MILR1: variants seen among roughly 807,000 people sequenced by gnomAD.
MILR1 encodes mast cell immunoglobulin like receptor 1.
In MILR1, 31 loss-of-function variants were observed where a neutral mutation model predicts 18.5. That is an observed-to-expected ratio of 1.68 (90% CI 1.26 to 2.26). MILR1 has a LOEUF of 2.26. MILR1 is among the 30% of genes most tolerant of loss of function. MILR1 has a pLI of 0.00. For missense variants in MILR1, 257 were observed against 157.4 expected, an observed-to-expected ratio of 1.63 and a Z score of -3.38; for synonymous variants, 85 against 56.2, an observed-to-expected ratio of 1.51 and a Z score of -2.30.
At chr17:64,488,628 C>T in the MILR1 span, among the ~76,000 whole-genome samples, 2 of 152,156 alleles carry the variant, frequency 1.3e-5, no homozygotes, top group Admixed American at 6.6e-5. Context: ...TTGAGCTGTT[C>T]GTTAACTATG....
chr17:64,455,191 G>T (rs2037261858), intron 3 of MILR1, among the ~76,000 whole-genome samples: 1 of 152,152 alleles, frequency 6.6e-6, no homozygotes, highest in Non-Finnish European at 1.5e-5. Context: ...AAGCCCATCA[G>T]TTCATATGTT....
At chr17:64,474,240 A>AATT in the MILR1 span, among the ~76,000 whole-genome samples, 1 of 151,992 alleles carries the variant, frequency 6.6e-6, no homozygotes, top group African/African-American at 2.4e-5. Flanking sequence ...ATGCCCAGTT[A>AATT]ATTTTTGTAT....
chr17:64,488,834 G>A, the MILR1 span, among the ~76,000 whole-genome samples: 3 of 152,048 alleles, frequency 2.0e-5, no homozygotes, highest in African/African-American at 7.2e-5. Flanking sequence ...CGGGCGTGGT[G>A]GCGCACACCT....
chr17:64,493,578 G>A, the MILR1 span, among the ~76,000 whole-genome samples: 5 of 151,820 alleles, frequency 3.3e-5, no homozygotes, highest in African/African-American at 7.3e-5. Context: ...TCCGCCTCCC[G>A]GGTTCATGCC....
the MILR1 span, chr17:64,485,907 A>T: frequency 6.2e-7 from 1 of 1,610,320 alleles, no homozygotes. Context: ...CATTTCACAG[A>T]ACTTTTTTTG....
chr17:64,455,747 G>A (rs1270202287), intron 3 of MILR1, among the ~76,000 whole-genome samples: 1 of 150,112 alleles, frequency 6.7e-6, no homozygotes, highest in African/African-American at 2.4e-5. Flanking sequence ...AATGTTTAAA[G>A]AGAACACAGG....
chr17:64,476,184 C>A, the MILR1 span, among the ~76,000 whole-genome samples: 1 of 151,988 alleles, frequency 6.6e-6, no homozygotes, highest in African/African-American at 2.4e-5. Flanking sequence ...GTCTCAATTA[C>A]CATAAATGTA....
the MILR1 span, among the ~76,000 whole-genome samples, chr17:64,487,743 T>C: frequency 2.0e-5 from 3 of 152,202 alleles, no homozygotes; most frequent in Non-Finnish European, 4.4e-5. Flanking sequence ...GACTCACTCC[T>C]GTAATCCTAG....
chr17:64,485,667 T>C, the MILR1 span: 1 of 1,311,724 alleles, frequency 7.6e-7, no homozygotes. Flanking sequence ...ACACTAACAT[T>C]AAGAACAAAC....
At chr17:64,482,040 A>G in the MILR1 span, among the ~76,000 whole-genome samples, 1 of 150,988 alleles carries the variant, frequency 6.6e-6, no homozygotes, top group African/African-American at 2.4e-5. Context: ...TCTTTAACAC[A>G]CTTCAAAATT....
At chr17:64,480,510 T>C in the MILR1 span, 1 of 525,832 alleles carries the variant, frequency 1.9e-6, no homozygotes, top group African/African-American at 1.9e-5. Flanking sequence ...GTTTCTTTAA[T>C]TATGTGATGT....
intron 4 of MILR1, among the ~76,000 whole-genome samples, chr17:64,458,565 C>T (rs2037354029): frequency 6.6e-6 from 1 of 151,542 alleles, no homozygotes; most frequent in South Asian, 2.1e-4. Flanking sequence ...TTTATTGCTC[C>T]ACTGCTAATG....
chr17:64,455,174 C>T (rs1047897516), intron 3 of MILR1, among the ~76,000 whole-genome samples: 101 of 152,290 alleles, frequency 6.6e-4, no homozygotes, highest in African/African-American at 2.3e-3. Context: ...CTGCTGCACT[C>T]AGCAATAAGC....
chr17:64,491,451 A>G, the MILR1 span: 1 of 896,870 alleles, frequency 1.1e-6, no homozygotes, highest in Non-Finnish European at 1.7e-6. Context: ...AAGAAGTTGC[A>G]GTGAGCTGTG....
At chr17:64,455,187 A>G (rs1189105631) in intron 3 of MILR1, among the ~76,000 whole-genome samples, 1 of 152,194 alleles carries the variant, frequency 6.6e-6, no homozygotes, top group African/African-American at 2.4e-5. Context: ...CAATAAGCCC[A>G]TCAGTTCATA....
chr17:64,472,465 C>CAAAAAAAAA (rs71158332), downstream of MILR1, among the ~76,000 whole-genome samples: 207 of 13,910 alleles, frequency 0.015, 8 homozygotes, highest in Non-Finnish European at 0.022. Flanking sequence ...GACTCCATCT[C>CAAAAAAAAA]AAAAAAAAAA....
chr17:64,482,772 T>G, the MILR1 span: 1 of 616,314 alleles, frequency 1.6e-6, no homozygotes, highest in Admixed American at 2.6e-5. Context: ...AAGGAAATGC[T>G]CATCAGAACA....
chr17:64,496,854 G>A, the MILR1 span: 1 of 1,613,712 alleles, frequency 6.2e-7, no homozygotes, highest in Non-Finnish European at 8.5e-7. Flanking sequence ...CCTCCTTTGG[G>A]GCTACTCCTT....
chr17:64,462,828 G>A (rs1457856204), intron 5 of MILR1, among the ~76,000 whole-genome samples: 1 of 151,926 alleles, frequency 6.6e-6, no homozygotes, highest in Non-Finnish European at 1.5e-5. Context: ...GTTTCACCAT[G>A]TTGGTCAGGT....
Sources: allele counts gnomAD v4.1 joint callset (sites outside exome capture counted in the v4.1 genomes callset), GRCh38; gene constraint gnomAD v4.1.1; transcripts MANE v1.5; gene names NCBI Gene and HGNC (gene_info 2026-07-23, HGNC 2026-07-21).